The following GUCY1A2 variants were observed in gnomAD, a reference collection of about 807,000 sequenced individuals.
GUCY1A2 encodes the protein guanylate cyclase 1 soluble subunit alpha 2.
In GUCY1A2, 27 loss-of-function variants were observed where a neutral mutation model predicts 63.5. The observed-to-expected ratio is 0.43, with a 90% CI of 0.31 to 0.59. The LOEUF (loss-of-function observed/expected upper bound fraction) is 0.59. Ranked by LOEUF, GUCY1A2 falls within the 20% of genes least tolerant of loss-of-function variation. The pLI, the probability that GUCY1A2 is intolerant of heterozygous loss-of-function variation, is 0.11. For missense variants in GUCY1A2, 768 were observed against 913.3 expected (o/e 0.84, Z 2.05); for synonymous variants, 364 against 343.5 (o/e 1.06, Z -0.66).
intron 3 of GUCY1A2, among the ~76,000 whole-genome samples, chr11:106,971,750 C>T (rs939899753): frequency 1.3e-5 from 2 of 152,020 alleles, no homozygotes; most frequent in Admixed American, 6.6e-5. Flanking sequence ...GCTGAGAGGG[C>T]GTAGAAGCAA....
intron 5 of GUCY1A2, among the ~76,000 whole-genome samples, chr11:106,808,300 T>C (rs1421312469): frequency 6.6e-6 from 1 of 152,124 alleles, no homozygotes; most frequent in Non-Finnish European, 1.5e-5. Context: ...AAACATTTTG[T>C]AAGTTAAAAC....
intron 5 of GUCY1A2, among the ~76,000 whole-genome samples, chr11:106,791,755 G>A (rs1355937621): frequency 6.6e-6 from 1 of 152,074 alleles, no homozygotes; most frequent in Admixed American, 6.5e-5. Flanking sequence ...CACCTCTCAT[G>A]CCACATCTTT....
At chr11:106,731,254 T>C (rs2135371601) in intron 6 of GUCY1A2, among the ~76,000 whole-genome samples, 1 of 152,228 alleles carries the variant, frequency 6.6e-6, no homozygotes, top group East Asian at 1.9e-4. Flanking sequence ...TTTAATGTGA[T>C]TCATCACCTA....
intron 5 of GUCY1A2, among the ~76,000 whole-genome samples, chr11:106,795,146 C>T (rs1385260226): frequency 1.3e-5 from 2 of 152,160 alleles, no homozygotes; most frequent in African/African-American, 4.8e-5. Context: ...AGATAAGTTA[C>T]GTGACTTACT....
intron 6 of GUCY1A2, 30 bp downstream of exon 6, chr11:106,776,409 C>G: frequency 8.4e-7 from 1 of 1,186,654 alleles, no homozygotes; most frequent in Non-Finnish European, 1.2e-6. Flanking sequence ...GGTGCACTTA[C>G]TACTCAAACT....
intron 6 of GUCY1A2, among the ~76,000 whole-genome samples, chr11:106,774,281 G>A (rs939787986): frequency 5.9e-5 from 9 of 151,838 alleles, no homozygotes; most frequent in South Asian, 2.1e-4. Context: ...ACAGACGCCC[G>A]CCACCACACC....
intron 3 of GUCY1A2, among the ~76,000 whole-genome samples, chr11:106,960,037 C>G: frequency 1.2e-5 from 1 of 81,238 alleles, no homozygotes; most frequent in Non-Finnish European, 2.7e-5. Context: ...AAACATTTTC[C>G]CATGCTGTAG....
intron 1 of GUCY1A2, among the ~76,000 whole-genome samples, chr11:107,010,842 T>C (rs1861733284): frequency 6.6e-6 from 1 of 152,060 alleles, no homozygotes; most frequent in Admixed American, 6.6e-5. Context: ...GCTATTCTCC[T>C]GCCTCAGCCT....
chr11:106,759,414 G>C (rs912457669), intron 6 of GUCY1A2, among the ~76,000 whole-genome samples: 13 of 152,146 alleles, frequency 8.5e-5, no homozygotes, highest in Non-Finnish European at 1.8e-4. Flanking sequence ...GTTGAGATAG[G>C]AGATAATGGG....
At chr11:106,697,645 A>C (rs1473050129) in intron 7 of GUCY1A2, among the ~76,000 whole-genome samples, 3 of 152,176 alleles carry the variant, frequency 2.0e-5, no homozygotes, top group African/African-American at 4.8e-5. Flanking sequence ...AGAAAAAAGG[A>C]GAAATTTAAA....
At chr11:106,921,902 G>A (rs1860449589) in intron 4 of GUCY1A2, among the ~76,000 whole-genome samples, 1 of 152,098 alleles carries the variant, frequency 6.6e-6, no homozygotes, top group Non-Finnish European at 1.5e-5. Context: ...ACAGTGACTA[G>A]TACAAAGTAG....
chr11:106,892,815 A>T (rs1436980027), intron 4 of GUCY1A2, among the ~76,000 whole-genome samples: 1 of 152,164 alleles, frequency 6.6e-6, no homozygotes, highest in Non-Finnish European at 1.5e-5. Context: ...GGTTTGCAAG[A>T]AACTTGTATT....
intron 6 of GUCY1A2, among the ~76,000 whole-genome samples, chr11:106,731,818 C>A (rs1863510896): frequency 6.6e-6 from 1 of 151,830 alleles, no homozygotes; most frequent in African/African-American, 2.4e-5. Flanking sequence ...AATAAACTAC[C>A]TACTTAGGAA....
intron 4 of GUCY1A2, among the ~76,000 whole-genome samples, chr11:106,854,170 G>T (rs2135452461): frequency 6.6e-6 from 1 of 152,362 alleles, no homozygotes; most frequent in African/African-American, 2.4e-5. Context: ...AGGAGGGCCA[G>T]GTTGGCATGT....
At chr11:106,754,144 T>G (rs1323364981) in intron 6 of GUCY1A2, among the ~76,000 whole-genome samples, 5 of 152,086 alleles carry the variant, frequency 3.3e-5, no homozygotes, top group African/African-American at 9.7e-5. Context: ...ACTCATGATT[T>G]GGCTCTCTGT....
chr11:106,991,565 G>A (rs1295622370), intron 1 of GUCY1A2, among the ~76,000 whole-genome samples: 1 of 152,118 alleles, frequency 6.6e-6, no homozygotes, highest in African/African-American at 2.4e-5. Flanking sequence ...TGATGAAAAA[G>A]ACAAAAACAC....
intron 7 of GUCY1A2, among the ~76,000 whole-genome samples, chr11:106,688,654 A>G (rs1591230569): frequency 2.6e-5 from 4 of 152,334 alleles, no homozygotes; most frequent in Admixed American, 2.6e-4. Flanking sequence ...TGAACAAAAC[A>G]CAGAGTAATA....
chr11:106,942,999 T>C (rs1385938019), intron 3 of GUCY1A2, among the ~76,000 whole-genome samples: 2 of 152,200 alleles, frequency 1.3e-5, no homozygotes, highest in Non-Finnish European at 2.9e-5. Context: ...GGCAATTCTA[T>C]ATAAACCCAT....
intron 4 of GUCY1A2, among the ~76,000 whole-genome samples, chr11:106,837,129 T>C (rs1859127897): frequency 6.6e-6 from 1 of 151,876 alleles, no homozygotes; most frequent in African/African-American, 2.4e-5. Flanking sequence ...TATTTTTTTC[T>C]GATCCTCTCC....
Sources: allele counts gnomAD v4.1 joint callset (sites outside exome capture counted in the v4.1 genomes callset), GRCh38; gene constraint gnomAD v4.1.1; transcripts MANE v1.5; gene names NCBI Gene and HGNC (gene_info 2026-07-23, HGNC 2026-07-21).